PPP1R16A: variants seen among roughly 807,000 people sequenced by gnomAD.
PPP1R16A encodes protein phosphatase 1 regulatory subunit 16A.
In PPP1R16A, 39 loss-of-function variants were observed where a neutral mutation model predicts 46.6. The observed-to-expected ratio is 0.84, with a 90% CI of 0.65 to 1.09. PPP1R16A has a LOEUF of 1.09. Among genes scored for constraint, PPP1R16A ranks in the 50% least tolerant of loss-of-function variants. The pLI is 0.00. For missense variants in PPP1R16A, 798 were observed against 735.6 expected, an observed-to-expected ratio of 1.08 and a Z score of -0.98; for synonymous variants, 413 against 321.5, an observed-to-expected ratio of 1.28 and a Z score of -3.04.
intron 1 of PPP1R16A, among the ~76,000 whole-genome samples, chr8:144,481,923 G>A (rs1281930376): frequency 2.0e-5 from 3 of 151,366 alleles, no homozygotes; most frequent in Non-Finnish European, 2.9e-5. Flanking sequence ...GACTACAGGC[G>A]CCTGCCACCA....
At chr8:144,497,785 G>T in intron 3 of PPP1R16A, 2 of 451,018 alleles carry the variant, frequency 4.4e-6, no homozygotes, top group Non-Finnish European at 8.3e-6. Context: ...CACGGGAGCA[G>T]GGGTGGCCGG....
At chr8:144,481,429 G>T (rs1825420491) in intron 1 of PPP1R16A, among the ~76,000 whole-genome samples, 1 of 151,668 alleles carries the variant, frequency 6.6e-6, no homozygotes, top group Non-Finnish European at 1.5e-5. Context: ...GATCATCTGA[G>T]GTTGGGAGTT....
intron 1 of PPP1R16A, among the ~76,000 whole-genome samples, chr8:144,489,489 C>T (rs1369031043): frequency 6.6e-6 from 1 of 152,028 alleles, no homozygotes; most frequent in Non-Finnish European, 1.5e-5. Flanking sequence ...CTCACTCGTC[C>T]AGCCACCACT....
chr8:144,498,978 T>C lies in PPP1R16A; in HGVS notation c.393T>C (p.Asn131=). Residue 131 remains asparagine (N), a synonymous_variant, in exon 5 of 12, where the codon AAT becomes AAC. Coordinates refer to ENST00000435887, the MANE Select transcript of PPP1R16A (RefSeq NM_001329443.2). ...TCCTGGAGGCTGGGGCCAACATCAA[T>C]GCCTGTGACAGTGAGTGCTGGACGC... ...QQLLEAGANI[N]ACDSECWTPL... is the part of the protein sequence containing the mutation. The C allele has an allele frequency of 6.2e-7, 1 of 1,611,990 alleles. No homozygotes were observed. The highest frequency in any genetic ancestry group is 8.5e-7 in the Non-Finnish European group (1 of 1,179,586).
In PPP1R16A at chr8:144,498,772, C is replaced by G; in HGVS notation, c.262C>G (p.Arg88Gly). The change falls in exon 4 of 12, where the codon CGC (arginine) becomes GGC (glycine). Residue 88 changes from arginine to glycine, a missense_variant and splice_region_variant. Arg to Gly is a moderately radical substitution (Grantham distance 125, BLOSUM62 -2). Coordinates refer to ENST00000435887, the MANE Select transcript of PPP1R16A (RefSeq NM_001329443.2). The stretch of plus-strand genomic sequence containing the variant: ...CTCACCTCGCCACCTTTTTGCAGTC[C>G]GCCAGTTCCTTGGGAGTGGGGTCAG... Reference protein sequence around the residue: ...AAARNDLEEVRQFLGSGVSPD... With the variant: ...AAARNDLEEVGQFLGSGVSPD... 1.3e-6 allele frequency: 2 copies of G among 1,581,186 alleles called. No individual in the cohort carries two copies. Among genetic ancestry groups the G allele is most frequent in the Non-Finnish European group, 1.7e-6 (2 of 1,157,882 alleles).
chr8:144,499,245 C>G, intron 5 of PPP1R16A, 184 bp downstream of exon 5: 1 of 795,154 alleles, frequency 1.3e-6, no homozygotes, highest in South Asian at 2.1e-5. Context: ...GGCATGTGCC[C>G]AGGGCAGCGC....
At chr8:144,499,880 T>C (rs1438748180) in intron 5 of PPP1R16A, 1 of 558,742 alleles carries the variant, frequency 1.8e-6, no homozygotes, top group South Asian at 2.2e-5. Flanking sequence ...CCTGGATCCC[T>C]GGATGGATAG....
rs757572039 is a variant in PPP1R16A at position 144,497,511 on chromosome 8, G to A, written c.259+58G>A. 3.7e-6 allele frequency: 6 copies of A among 1,604,808 alleles called. No homozygotes were observed. The African/African-American group carries it at 6.7e-5, about 18-fold the overall frequency. On this transcript the variant is annotated intron_variant, in intron 3 of 11. Transcript: ENST00000435887. Reference sequence around the variant, plus strand: ...CAGACGGCCCACTCCCTGCTACCTGGGTGCCGTCTCATGCCAAGGCTGGGG... The same window carrying A: ...CAGACGGCCCACTCCCTGCTACCTGAGTGCCGTCTCATGCCAAGGCTGGGG...
chr8:144,501,411 C>A, intron 11 of PPP1R16A, 109 bp from the exon 12 acceptor site: 1 of 1,476,840 alleles, frequency 6.8e-7, no homozygotes, highest in Non-Finnish European at 9.0e-7. Flanking sequence ...CAGGGGCCAG[C>A]TTTTGCCCCA....
intron 2 of PPP1R16A, among the ~76,000 whole-genome samples, chr8:144,494,457 C>T (rs1203758591): frequency 6.6e-6 from 1 of 151,976 alleles, no homozygotes; most frequent in Non-Finnish European, 1.5e-5. Context: ...GGACCACAGG[C>T]GCATGCCACC....
chr8:144,497,574 GA>G, intron 3 of PPP1R16A, 121 bp downstream of exon 3: 1 of 1,417,186 alleles, frequency 7.1e-7, no homozygotes, highest in Non-Finnish European at 9.7e-7. Flanking sequence ...CCAGCCCCCA[GA>G]TCTTGCCTGG....
At chr8:144,479,786 C>G (rs1281281895) in intron 1 of PPP1R16A, among the ~76,000 whole-genome samples, 5 of 152,198 alleles carry the variant, frequency 3.3e-5, no homozygotes, top group Non-Finnish European at 5.9e-5. Context: ...GGTGGCAGTT[C>G]CAGGCCCTTC....
At position 144,501,237 on chromosome 8, in the gene PPP1R16A, G is replaced by A. The variant is rs746957997; in HGVS notation, c.1146G>A (p.Pro382=). 11 of 1,605,620 alleles carry A rather than the reference G, an allele frequency of 6.9e-6. No individual in the cohort carries two copies. In the East Asian group the frequency reaches 8.9e-5, roughly 13 times the overall value. Residue 382 remains proline, a synonymous_variant, in exon 11 of 12, where the codon CCG becomes CCA. Transcript: ENST00000435887. The part of the protein sequence containing the change: ...WQQPPPTSPE[P]PEDNDDRQTG... ...AGCCGCCGCCCACCAGCCCGGAGCCGCCCGAGGACAACGATGACCGCCAGA... is the reference window on the plus strand; with the variant it reads ...AGCCGCCGCCCACCAGCCCGGAGCCACCCGAGGACAACGATGACCGCCAGA...
chr8:144,499,243 C>T (rs1826268275), intron 5 of PPP1R16A, 182 bp downstream of exon 5: 1 of 816,576 alleles, frequency 1.2e-6, no homozygotes, highest in Non-Finnish European at 1.8e-6. Context: ...TGGGCATGTG[C>T]CCAGGGCAGC....
In PPP1R16A at chr8:144,502,064, TG is replaced by T; in HGVS notation, c.*163del. 1.5e-6 allele frequency: 1 copy of T among 669,270 alleles called. No homozygotes were observed. Among genetic ancestry groups the T allele is most frequent in the Non-Finnish European group, 2.4e-6 (1 of 423,208 alleles). 41.5% of individuals were successfully genotyped at this position (669,270 alleles called of 1,614,324 possible). ...CAGAAGACATGCCTGGAGGGATGTCTGGCTGCAAAGACTATTTTTATCCTGC... is the reference window on the plus strand; with the variant it reads ...CAGAAGACATGCCTGGAGGGATGTCTGCTGCAAAGACTATTTTTATCCTGC... On this transcript the variant is annotated 3_prime_UTR_variant, in exon 12 of 12. Coordinates refer to ENST00000435887, the MANE Select transcript of PPP1R16A (RefSeq NM_001329443.2).
chr8:144,497,507 C>G, intron 3 of PPP1R16A, 54 bp downstream of exon 3: 1 of 1,605,870 alleles, frequency 6.2e-7, no homozygotes, highest in Non-Finnish European at 8.5e-7. Context: ...CTCCCTGCTA[C>G]CTGGGTGCCG....
chr8:144,478,203 G>A (rs1284911965), intron 1 of PPP1R16A, 76 bp downstream of exon 1: 1 of 391,262 alleles, frequency 2.6e-6, no homozygotes, highest in Non-Finnish European at 4.5e-6. Context: ...GAGCAGTGGC[G>A]GGCCCGGGAA....
chr8:144,484,506 G>A (rs1825566021), intron 1 of PPP1R16A, among the ~76,000 whole-genome samples: 1 of 152,194 alleles, frequency 6.6e-6, no homozygotes, highest in African/African-American at 2.4e-5. Flanking sequence ...TTTATCTTCA[G>A]TTCTCGTTGA....
At chr8:144,479,964 G>A (rs1163690123) in intron 1 of PPP1R16A, among the ~76,000 whole-genome samples, 1 of 152,200 alleles carries the variant, frequency 6.6e-6, no homozygotes, top group Non-Finnish European at 1.5e-5. Context: ...TGCACTTACT[G>A]AGTGCTGCCT....
Sources: allele counts gnomAD v4.1 joint callset (sites outside exome capture counted in the v4.1 genomes callset), GRCh38; gene constraint gnomAD v4.1.1; transcripts MANE v1.5; gene names NCBI Gene and HGNC (gene_info 2026-07-23, HGNC 2026-07-21).